Variants in FUT8 observed in about 807,000 individuals in gnomAD.
FUT8 encodes alpha-(1,6)-fucosyltransferase.
FUT8 carries 29 observed loss-of-function variants against 71.3 expected under a neutral mutation model. That is an observed-to-expected ratio of 0.41 (90% CI 0.30 to 0.55). FUT8 has a LOEUF of 0.55. FUT8 is among the 20% of genes least tolerant of loss of function. The pLI, the probability that FUT8 is intolerant of heterozygous loss-of-function variation, is 0.34. For missense variants in FUT8, 544 were observed against 702.1 expected, an observed-to-expected ratio of 0.77 and a Z score of 2.55; for synonymous variants, 254 against 239.3, an observed-to-expected ratio of 1.06 and a Z score of -0.57.
chr14:65,681,647 TGTGA>T (rs1230332837), intron 7 of FUT8, among the ~76,000 whole-genome samples: 21 of 152,346 alleles, frequency 1.4e-4, no homozygotes, highest in African/African-American at 4.6e-4. Context: ...TATGTGTGTA[TGTGA>T]GTGTCTTTTT....
At chr14:65,712,674 A>C (rs1297936736) in intron 7 of FUT8, among the ~76,000 whole-genome samples, 1 of 152,046 alleles carries the variant, frequency 6.6e-6, no homozygotes, top group African/African-American at 2.4e-5. Flanking sequence ...CAAACTTCTG[A>C]CCTCAGGTGA....
At chr14:65,378,837 G>GTTTTTTTT in the FUT8 span, among the ~76,000 whole-genome samples, 69 of 66,852 alleles carry the variant, frequency 1.0e-3, 10 homozygotes, top group East Asian at 4.6e-3. Flanking sequence ...TCACAAGAAG[G>GTTTTTTTT]TTTTTTTTTT....
At chr14:65,505,414 G>A (rs570398321) in intron 2 of FUT8, among the ~76,000 whole-genome samples, 16 of 144,546 alleles carry the variant, frequency 1.1e-4, no homozygotes, top group South Asian at 2.3e-4. Context: ...CCAGGTTCAC[G>A]CCATTCTCCT....
chr14:65,678,534 A>C (rs916396258), intron 7 of FUT8, among the ~76,000 whole-genome samples: 1 of 152,168 alleles, frequency 6.6e-6, no homozygotes, highest in Non-Finnish European at 1.5e-5. Flanking sequence ...TAGTCTTTTT[A>C]AGGTCTCCAA....
intron 7 of FUT8, among the ~76,000 whole-genome samples, chr14:65,709,366 C>T (rs1894708223): frequency 6.6e-6 from 1 of 152,050 alleles, no homozygotes; most frequent in African/African-American, 2.4e-5. Flanking sequence ...TTTTAGGTGG[C>T]ATATGAGATT....
intron 7 of FUT8, among the ~76,000 whole-genome samples, chr14:65,706,076 C>T (rs1356951309): frequency 6.6e-6 from 1 of 152,148 alleles, no homozygotes; most frequent in Non-Finnish European, 1.5e-5. Flanking sequence ...TTGTGCTAAG[C>T]TTTCTACATG....
chr14:65,646,749 G>T (rs1594855903), intron 6 of FUT8, among the ~76,000 whole-genome samples: 1 of 152,132 alleles, frequency 6.6e-6, no homozygotes, highest in East Asian at 1.9e-4. Flanking sequence ...CTAGCTAAGG[G>T]TAGATTACCA....
intron 2 of FUT8, among the ~76,000 whole-genome samples, chr14:65,548,576 A>G (rs1240321654): frequency 6.6e-6 from 1 of 151,758 alleles, no homozygotes; most frequent in African/African-American, 2.4e-5. Flanking sequence ...ATATGCTTTC[A>G]TTTTTCTTGG....
chr14:65,446,732 TAATG>T (rs1401632335), intron 1 of FUT8, among the ~76,000 whole-genome samples: 1 of 151,478 alleles, frequency 6.6e-6, no homozygotes, highest in Non-Finnish European at 1.5e-5. Context: ...TTAATATGCT[TAATG>T]AAGCTCAAAT....
At chr14:65,599,410 G>A (rs1291673018) in intron 3 of FUT8, among the ~76,000 whole-genome samples, 3 of 152,152 alleles carry the variant, frequency 2.0e-5, no homozygotes, top group Admixed American at 2.0e-4. Context: ...CTTGAAAGGA[G>A]GCAAAAGTTC....
At chr14:65,730,488 A>G (rs1467844188) in intron 9 of FUT8, among the ~76,000 whole-genome samples, 1 of 152,162 alleles carries the variant, frequency 6.6e-6, no homozygotes, top group Non-Finnish European at 1.5e-5. Context: ...CCTGGCTAAC[A>G]TGGTAAAACC....
At chr14:65,625,677 T>G (rs1411397503) in intron 5 of FUT8, among the ~76,000 whole-genome samples, 1 of 152,202 alleles carries the variant, frequency 6.6e-6, no homozygotes, top group Non-Finnish European at 1.5e-5. Flanking sequence ...GAAACAAATG[T>G]CTAAAGTGCT....
At chr14:65,591,101 G>A in intron 3 of FUT8, among the ~76,000 whole-genome samples, 1 of 152,152 alleles carries the variant, frequency 6.6e-6, no homozygotes, top group Non-Finnish European at 1.5e-5. Context: ...ACAAAGCCTA[G>A]AAGTATTTGT....
At chr14:65,451,405 G>A (rs1173931421) in intron 1 of FUT8, among the ~76,000 whole-genome samples, 1 of 152,248 alleles carries the variant, frequency 6.6e-6, no homozygotes, top group African/African-American at 2.4e-5. Flanking sequence ...GTCCAGGAGC[G>A]GGTGCCTGCG....
chr14:65,495,300 G>T (rs1172229506), intron 2 of FUT8, among the ~76,000 whole-genome samples: 1 of 151,824 alleles, frequency 6.6e-6, no homozygotes, highest in Non-Finnish European at 1.5e-5. Context: ...TTAGGTAATT[G>T]AGATACCTGT....
intron 7 of FUT8, among the ~76,000 whole-genome samples, chr14:65,677,174 GTATGTGTGTGCGCA>G (rs1892800564): frequency 8.6e-6 from 1 of 116,130 alleles, no homozygotes; most frequent in African/African-American, 4.0e-5. Flanking sequence ...GCGCGCGCAC[GTATGTGTGTGCGCA>G]TGTGTGTTTT....
At chr14:65,608,871 C>T (rs921288888) in intron 3 of FUT8, among the ~76,000 whole-genome samples, 6 of 152,018 alleles carry the variant, frequency 3.9e-5, no homozygotes, top group South Asian at 2.1e-4. Flanking sequence ...GTGCTTAATT[C>T]GCCTTTTTGT....
chr14:65,671,533 A>G (rs1487783054), intron 7 of FUT8, among the ~76,000 whole-genome samples: 1 of 152,214 alleles, frequency 6.6e-6, no homozygotes, highest in South Asian at 2.1e-4. Flanking sequence ...TCACTTGTAC[A>G]TACCCCCAGT....
At chr14:65,570,448 A>G (rs1232151585) in intron 3 of FUT8, among the ~76,000 whole-genome samples, 1 of 151,244 alleles carries the variant, frequency 6.6e-6, no homozygotes. Flanking sequence ...TATTGTCATT[A>G]TTACAGTGAG....
Sources: gnomAD v4.1 joint callset for allele counts (sites outside exome capture counted in the v4.1 genomes callset) on GRCh38, gnomAD v4.1.1 for gene constraint, MANE v1.5 for transcripts, NCBI Gene and HGNC (gene_info 2026-07-23, HGNC 2026-07-21) for gene names.